The following CWH43 variants were observed in gnomAD, a reference collection of about 807,000 sequenced individuals.
The protein encoded by CWH43 is PGAP2-interacting protein.
CWH43 carries 91 observed loss-of-function variants against 85.7 expected under a neutral mutation model. The observed-to-expected ratio is 1.06, with a 90% confidence interval of 0.90 to 1.26. CWH43 has a LOEUF of 1.26. CWH43 is among the 50% of genes most tolerant of loss of function. The probability of loss-of-function intolerance (pLI) is 0.00; values close to 1 mark genes in which losing one functional copy is unlikely to be tolerated. For missense variants in CWH43, 869 were observed against 839.2 expected, an observed-to-expected ratio of 1.04 and a Z score of -0.44; for synonymous variants, 323 against 293.6, an observed-to-expected ratio of 1.10 and a Z score of -1.02.
intron 7 of CWH43, among the ~76,000 whole-genome samples, chr4:49,004,327 T>C (rs771806106): frequency 1.3e-5 from 2 of 152,242 alleles, no homozygotes; most frequent in Admixed American, 6.5e-5. Flanking sequence ...ATGATCATGA[T>C]ACTCATGCTG....
At chr4:49,007,157 T>C in intron 7 of CWH43, 44 bp from the exon 8 acceptor site, 1 of 1,557,008 alleles carries the variant, frequency 6.4e-7, no homozygotes. Context: ...TTGGAAGGAT[T>C]TTTGGATCAG....
chr4:49,044,803 T>C lies in CWH43; in HGVS notation c.1821T>C (p.Asp607=), dbSNP rs1784571614. 4 of 1,613,342 alleles carry C rather than the reference T, an allele frequency of 2.5e-6. No individual in the cohort carries two copies. The East Asian group carries it at 8.9e-5, about 36-fold the overall frequency. Residue 607 remains aspartate (D), a synonymous_variant, in exon 14 of 16, where the codon GAT becomes GAC. Transcript: ENST00000226432. The part of the protein sequence containing the change: ...HGNVKDIDST[D]HDRWCEYIMY... ...TTTATTAGGATATCGACAGCACTGATCATGACAGATGGTGTGAATACATTA... is the reference window on the plus strand; with the variant it reads ...TTTATTAGGATATCGACAGCACTGACCATGACAGATGGTGTGAATACATTA...
chr4:49,061,349 A>G (rs1785151580), intron 15 of CWH43, among the ~76,000 whole-genome samples: 1 of 152,176 alleles, frequency 6.6e-6, no homozygotes, highest in South Asian at 2.1e-4. Context: ...CTTTCTTCCT[A>G]GTGTCTTTTG....
At chr4:49,042,147 G>A (rs1464256898) in intron 13 of CWH43, among the ~76,000 whole-genome samples, 1 of 152,152 alleles carries the variant, frequency 6.6e-6, no homozygotes. Context: ...TGCAGGATCA[G>A]CTAGGAGGCT....
intron 1 of CWH43, among the ~76,000 whole-genome samples, chr4:48,987,828 G>A (rs1260918963): frequency 6.6e-6 from 1 of 152,188 alleles, no homozygotes; most frequent in Non-Finnish European, 1.5e-5. Context: ...TCAAGGGAAC[G>A]ACTGCTGCCT....
In CWH43 at chr4:49,032,579, T is replaced by G. The variant is rs201280789; in HGVS notation, c.1522T>G (p.Ser508Ala). 6.3e-4 allele frequency: 1,023 copies of G among 1,614,000 alleles called. No individual in the cohort carries two copies. Among genetic ancestry groups the G allele is most frequent in the South Asian group, 8.5e-4 (77 of 91,078 alleles). Residue 508 changes from serine (S) to alanine (A), a missense_variant, in exon 12 of 16, where the codon TCA becomes GCA. Coordinates refer to ENST00000226432, the MANE Select transcript of CWH43 (RefSeq NM_025087.3). ...ATTCCAATACAGGATTATGGCTTTG[T>G]CAAGATACCCAATTGTGAAATCTGA... is the stretch of plus-strand genomic sequence containing the variant. ...RYHTWGIMALSRYPIVKSEHH... is the reference protein window; with the variant it reads ...RYHTWGIMALARYPIVKSEHH...
chr4:49,059,860 G>A (rs967354585), intron 15 of CWH43, among the ~76,000 whole-genome samples: 1 of 152,154 alleles, frequency 6.6e-6, no homozygotes, highest in African/African-American at 2.4e-5. Flanking sequence ...TGTGGGGTTA[G>A]GCCTTCAGCC....
rs1784568176 is a variant in CWH43, at chr4:49,044,718, T to A, written c.1804-68T>A. 37 of 1,214,840 alleles carry A rather than the reference T, an allele frequency of 3.0e-5. No homozygotes were observed. The East Asian group carries it at 8.5e-4, about 28-fold the overall frequency. The allele number at this position is 1,214,840 out of a possible 1,614,324, so 75.3% of individuals were successfully genotyped here. On this transcript the variant is annotated intron_variant, in intron 13 of 15. Coordinates refer to ENST00000226432, the MANE Select transcript of CWH43 (RefSeq NM_025087.3). ...GATATTTATCATGTAGCTCACACAT[T>A]TTTTGGCAATGTGGAATAGAGCTTT...
rs181657260 is a variant in CWH43, at chr4:49,041,370, C to T, written c.1803+3190C>T. ...TTTTCACGATATTGATTCTTCCTAC[C>T]CATGAGCATGGAATGTTCTTCCATT... On this transcript the variant is annotated intron_variant, in intron 13 of 15. Transcript: ENST00000226432. Among the ~76,000 whole-genome samples, 3 of 152,248 alleles carry T rather than the reference C, an allele frequency of 2.0e-5. No individual in the cohort carries two copies. The East Asian group carries it at 5.8e-4, about 29-fold the overall frequency.
intron 8 of CWH43, among the ~76,000 whole-genome samples, chr4:49,014,817 A>G (rs1350421574): frequency 6.6e-6 from 1 of 151,690 alleles, no homozygotes; most frequent in East Asian, 1.9e-4. Context: ...AGCACCCCCC[A>G]CTATCAAAAT....
intron 10 of CWH43, among the ~76,000 whole-genome samples, chr4:49,030,282 T>C (rs1012168039): frequency 5.3e-5 from 8 of 152,228 alleles, no homozygotes; most frequent in African/African-American, 1.9e-4. Context: ...TAACCTGTTC[T>C]GGTTATTCTT....
Position 48,994,666 on chromosome 4 carries a change from A to G in CWH43, c.559A>G (p.Thr187Ala), listed in dbSNP as rs1782755017. The G allele has an allele frequency of 6.2e-7, 1 of 1,614,232 alleles. No individual in the cohort carries two copies. ...AGAAAAGAAGACTGGTGAGGTAGCC[A>G]CGGGGATGGCCTCTAGACCCAACTG... is the stretch of plus-strand genomic sequence containing the variant. The part of the protein sequence containing the change: ...PEEKKTGEVA[T>A]GMASRPNWLL... Residue 187 changes from threonine (T) to alanine (A), a missense_variant, in exon 5 of 16, where the codon ACG becomes GCG. Thr to Ala is a moderately conservative substitution (Grantham distance 58). Transcript: ENST00000226432.
At chr4:49,042,691 C>A (rs746654153) in intron 13 of CWH43, among the ~76,000 whole-genome samples, 3 of 152,016 alleles carry the variant, frequency 2.0e-5, no homozygotes, top group Non-Finnish European at 2.9e-5. Flanking sequence ...CCAAATAAAG[C>A]CCTGATGAAG....
intron 6 of CWH43, among the ~76,000 whole-genome samples, chr4:48,999,765 T>A (rs890221065): frequency 6.6e-6 from 1 of 152,184 alleles, no homozygotes. Flanking sequence ...AAGCTCCATT[T>A]CCCTTTCTCC....
At chr4:49,040,194 C>T (rs1405664590) in intron 13 of CWH43, among the ~76,000 whole-genome samples, 3 of 152,170 alleles carry the variant, frequency 2.0e-5, no homozygotes, top group East Asian at 1.9e-4. Flanking sequence ...TGAATAGTGC[C>T]GCAATAAACA....
At chr4:49,017,367 T>A (rs2109784428) in intron 9 of CWH43, 39 bp downstream of exon 9, 1 of 1,345,254 alleles carries the variant, frequency 7.4e-7, no homozygotes, top group East Asian at 2.3e-5. Context: ...TTTTATATGG[T>A]ATATATATGT....
intron 13 of CWH43, among the ~76,000 whole-genome samples, chr4:49,042,797 C>A (rs1281881248): frequency 1.3e-5 from 2 of 152,120 alleles, no homozygotes; most frequent in East Asian, 3.9e-4. Flanking sequence ...AGAGGAAAAC[C>A]TGGAAAGTGT....
intron 4 of CWH43, 115 bp from the exon 5 acceptor site, chr4:48,994,504 G>A (rs1177942731): frequency 1.5e-5 from 12 of 822,878 alleles, no homozygotes; most frequent in African/African-American, 5.2e-5. Context: ...CTCCTCTTCC[G>A]AAGTAAGCTT....
chr4:49,014,657 G>A (rs1783481597), intron 8 of CWH43, among the ~76,000 whole-genome samples: 1 of 151,010 alleles, frequency 6.6e-6, no homozygotes, highest in Non-Finnish European at 1.5e-5. Context: ...TTATCAAATC[G>A]AGGCATTTGG....
Sources: gnomAD v4.1 joint callset for allele counts (sites outside exome capture counted in the v4.1 genomes callset) on GRCh38, gnomAD v4.1.1 for gene constraint, MANE v1.5 for transcripts, NCBI Gene and HGNC (gene_info 2026-07-23, HGNC 2026-07-21) for gene names.